The following CHM variants were observed in gnomAD, a reference collection of about 807,000 sequenced individuals.
CHM encodes the protein CHM Rab escort protein.
Under a neutral mutation model 49.0 loss-of-function variants are expected in CHM, and 10 were observed. That is an observed-to-expected ratio of 0.20 (90% CI 0.13 to 0.35). The LOEUF is 0.35. Among genes scored for constraint, CHM ranks in the 10% least tolerant of loss-of-function variants. The pLI is 1.00. For missense variants in CHM, 455 were observed against 478.4 expected (o/e 0.95, Z 0.46); for synonymous variants, 184 against 167.5 (o/e 1.10, Z -0.76).
intron 4 of CHM, among the ~76,000 whole-genome samples, chrX:85,968,612 G>C (rs1344752402): frequency 8.9e-6 from 1 of 111,870 alleles, no homozygotes; most frequent in African/African-American, 3.3e-5. Context: ...TGATGAGTCT[G>C]CTGGGGGCCC....
chrX:86,013,989 C>T (rs1423409827), intron 2 of CHM, among the ~76,000 whole-genome samples: 1 of 111,875 alleles, frequency 8.9e-6, no homozygotes, highest in African/African-American at 3.2e-5. Flanking sequence ...TGAATTCTGC[C>T]TTTGTAGTGT....
intron 8 of CHM, among the ~76,000 whole-genome samples, chrX:85,945,153 T>C (rs189802205): frequency 9.0e-6 from 1 of 110,750 alleles, no homozygotes; most frequent in East Asian, 2.9e-4. Flanking sequence ...GGGAGAAGGG[T>C]GAGGACTGAG....
chrX:86,034,267 T>C (rs758566383), intron 1 of CHM, among the ~76,000 whole-genome samples: 17 of 111,671 alleles, frequency 1.5e-4, no homozygotes, highest in Non-Finnish European at 3.8e-5. Context: ...CTTGAGCAAA[T>C]GATAAAGTGA....
At chrX:85,963,533 T>G (rs1930404359) in intron 5 of CHM, 132 bp downstream of exon 5, 2 of 505,221 alleles carry the variant, frequency 4.0e-6, no homozygotes, top group Admixed American at 3.8e-5. Flanking sequence ...AGGAATATTT[T>G]AAATGAATTA....
chrX:85,910,073 C>T lies in CHM; in HGVS notation c.1244+1188G>A, dbSNP rs183372736. Among the ~76,000 whole-genome samples, 41 of 111,575 alleles carry T rather than the reference C, an allele frequency of 3.7e-4. No homozygotes were observed. In the East Asian group the frequency reaches 0.011, roughly 30 times the overall value. On this transcript the variant is annotated intron_variant, in intron 9 of 14. Transcript: ENST00000357749. ...AAAGTGCTAAAGGTACTTTACAAGC[C>T]GTTTAAAATACGTATCAATGTTATC... is the stretch of plus-strand genomic sequence containing the variant.
intron 1 of CHM, among the ~76,000 whole-genome samples, chrX:86,028,902 G>A (rs1187006646): frequency 1.8e-5 from 2 of 111,315 alleles, no homozygotes; most frequent in African/African-American, 6.5e-5. Flanking sequence ...TACACACTAA[G>A]CATCAAGGAT....
At chrX:86,001,578 T>C (rs908757018) in intron 2 of CHM, among the ~76,000 whole-genome samples, 4 of 109,818 alleles carry the variant, frequency 3.6e-5, no homozygotes, top group Non-Finnish European at 1.9e-5. Flanking sequence ...ATGATGAGAG[T>C]GGAAGCAAAA....
At chrX:86,039,726 C>A (rs1934387465) in intron 1 of CHM, among the ~76,000 whole-genome samples, 1 of 110,688 alleles carries the variant, frequency 9.0e-6, no homozygotes, top group Non-Finnish European at 1.9e-5. Flanking sequence ...TTACGGCCCA[C>A]CCCACACCCC....
In CHM at chrX:85,911,346, G is replaced by T. The variant is rs756693412; in HGVS notation, c.1167-8C>A. The stretch of plus-strand genomic sequence containing the variant: ...CCAAACACAGCACACATCCTAGAAA[G>T]AGAACAGAAAAATAAGAATTAGGGT... On this transcript the variant is annotated splice_polypyrimidine_tract_variant and splice_region_variant and intron_variant, in intron 8 of 14. Coordinates refer to ENST00000357749, the MANE Select transcript of CHM (RefSeq NM_000390.4). 1.0e-6 allele frequency: 1 copy of T among 1,003,942 alleles called. No homozygotes were observed. The highest frequency in any genetic ancestry group is 1.9e-5 in the South Asian group (1 of 52,623). 82.7% of individuals were successfully genotyped at this position (1,003,942 alleles called of 1,213,427 possible).
intron 14 of CHM, among the ~76,000 whole-genome samples, chrX:85,872,290 G>A (rs1281128831): frequency 2.7e-5 from 3 of 111,957 alleles, no homozygotes; most frequent in East Asian, 2.8e-4. Context: ...AGTTCTACCC[G>A]TGAAAAGTTT....
chrX:86,035,776 GA>G (rs944143958), intron 1 of CHM, among the ~76,000 whole-genome samples: 2 of 105,607 alleles, frequency 1.9e-5, no homozygotes, highest in African/African-American at 3.4e-5. Context: ...TACTGTCGAC[GA>G]AAAGAGTTCA....
At position 85,863,115 on chromosome X, in the gene CHM, C is replaced by T. The variant is rs1202062404; in HGVS notation, c.*1515G>A. The T allele has an allele frequency of 4.7e-5, 5 of 105,405 alleles. No individual in the cohort carries two copies. The highest frequency in any genetic ancestry group is 3.1e-4 in the Admixed American group (3 of 9,708). 8.7% of individuals were successfully genotyped at this position (105,405 alleles called of 1,213,427 possible). A position where few individuals can be genotyped will look rare whatever the true frequency, so the allele number is the denominator to read the frequency against. The stretch of plus-strand genomic sequence containing the variant: ...GCCCCCTTTTTTTTTTTTTGTGAGA[C>T]AGAGTCTTGCTCTGTCACCCAGGCT... On this transcript the variant is annotated 3_prime_UTR_variant, in exon 15 of 15. Coordinates refer to ENST00000357749, the MANE Select transcript of CHM (RefSeq NM_000390.4).
chrX:85,989,320 C>T (rs1274432659), intron 2 of CHM, among the ~76,000 whole-genome samples: 1 of 111,824 alleles, frequency 8.9e-6, no homozygotes, highest in Non-Finnish European at 1.9e-5. Context: ...ATCTGGAGCC[C>T]TTCCTTACAC....
chrX:85,965,110 T>C (rs1011923761), intron 4 of CHM, among the ~76,000 whole-genome samples: 24 of 112,328 alleles, frequency 2.1e-4, no homozygotes, highest in African/African-American at 7.1e-4. Flanking sequence ...CTTTCCAACA[T>C]GGCATCTCTA....
At chrX:85,946,496 G>A (rs1482491991) in intron 8 of CHM, among the ~76,000 whole-genome samples, 2 of 111,824 alleles carry the variant, frequency 1.8e-5, no homozygotes, top group Non-Finnish European at 3.8e-5. Flanking sequence ...GGCTCTGGTC[G>A]CTACTTCAGA....
At chrX:86,035,943 G>A (rs897362499) in intron 1 of CHM, among the ~76,000 whole-genome samples, 1 of 108,741 alleles carries the variant, frequency 9.2e-6, no homozygotes, top group Non-Finnish European at 1.9e-5. Flanking sequence ...ACAGGTATCC[G>A]CCACCATGCC....
At chrX:85,881,137 G>A (rs761890166) in intron 12 of CHM, among the ~76,000 whole-genome samples, 15 of 109,972 alleles carry the variant, frequency 1.4e-4, no homozygotes, top group African/African-American at 3.0e-4. Context: ...TCACTGTCAC[G>A]GACAAACATC....
intron 2 of CHM, among the ~76,000 whole-genome samples, chrX:86,000,748 A>G (rs928451959): frequency 1.8e-4 from 20 of 111,271 alleles, no homozygotes; most frequent in Non-Finnish European, 9.4e-5. Context: ...GCCAAGCACA[A>G]AAAGACAAAT....
intron 2 of CHM, among the ~76,000 whole-genome samples, chrX:85,986,158 A>T (rs5923418): frequency 9.0e-6 from 1 of 110,571 alleles, no homozygotes; most frequent in African/African-American, 3.3e-5. Flanking sequence ...GAGAACACCC[A>T]GGTTGGGCCC....
Sources: gnomAD v4.1 joint callset for allele counts (sites outside exome capture counted in the v4.1 genomes callset) on GRCh38, gnomAD v4.1.1 for gene constraint, MANE v1.5 for transcripts, NCBI Gene and HGNC (gene_info 2026-07-23, HGNC 2026-07-21) for gene names.